The following RAB22A variants were observed in gnomAD, a reference collection of about 807,000 sequenced individuals.
RAB22A encodes the protein RAB22A, member RAS oncogene family, also known as ras-related protein Rab-22A.
RAB22A carries 13 observed loss-of-function variants against 30.2 expected under a neutral mutation model. The observed-to-expected ratio is 0.43, with a 90% CI of 0.28 to 0.68. The LOEUF (loss-of-function observed/expected upper bound fraction) is 0.68. RAB22A is among the 30% of genes least tolerant of loss of function. The pLI is 0.18. For synonymous variants in RAB22A, 89 were observed against 87.2 expected, an observed-to-expected ratio of 1.02 and a Z score of -0.11; for missense variants, 177 against 246.8, an observed-to-expected ratio of 0.72 and a Z score of 1.89.
chr20:58,361,752 C>T lies in RAB22A; in HGVS notation c.*2049C>T, dbSNP rs1987230320. ...TACCAAAGAGGCAAAGCATGTGCGA[C>T]CCTTTCTGTCTTATTTTACCAAAAG... On this transcript the variant is annotated 3_prime_UTR_variant, in exon 7 of 7. Coordinates refer to ENST00000244040, the MANE Select transcript of RAB22A (RefSeq NM_020673.3). The T allele has an allele frequency of 1.3e-5, 2 of 152,200 alleles. No individual in the cohort carries two copies. The highest frequency in any genetic ancestry group is 2.4e-5 in the African/African-American group (1 of 41,542). 9.4% of individuals were successfully genotyped at this position (152,200 alleles called of 1,614,324 possible). A position where few individuals can be genotyped will look rare whatever the true frequency, so the allele number is the denominator to read the frequency against.
chr20:58,338,615 A>G (rs909765705), intron 2 of RAB22A, among the ~76,000 whole-genome samples: 9 of 152,298 alleles, frequency 5.9e-5, no homozygotes, highest in Admixed American at 5.9e-4. Flanking sequence ...TTATGGATAC[A>G]CTTGAGACTT....
intron 2 of RAB22A, among the ~76,000 whole-genome samples, chr20:58,340,237 G>A (rs896414111): frequency 7.2e-5 from 11 of 152,194 alleles, no homozygotes; most frequent in Non-Finnish European, 1.6e-4. Context: ...CTTTGAGTGA[G>A]AGAGGGACAC....
chr20:58,311,986 G>A (rs775120777), intron 2 of RAB22A, among the ~76,000 whole-genome samples: 1 of 152,204 alleles, frequency 6.6e-6, no homozygotes, highest in Non-Finnish European at 1.5e-5. Context: ...ACAGAGTTTC[G>A]CTCTTTTTGC....
chr20:58,342,053 C>T (rs1986863811), intron 2 of RAB22A, among the ~76,000 whole-genome samples: 1 of 152,198 alleles, frequency 6.6e-6, no homozygotes, highest in Non-Finnish European at 1.5e-5. Flanking sequence ...TGTATAGATA[C>T]AGTGCTTTAC....
rs1179423046 is a variant in RAB22A at position 58,361,465 on chromosome 20, C to T, written c.*1762C>T. The T allele has an allele frequency of 6.6e-6, 1 of 152,124 alleles. No homozygotes were observed. Among genetic ancestry groups the T allele is most frequent in the Admixed American group, 6.5e-5 (1 of 15,276 alleles). 9.4% of individuals were successfully genotyped at this position (152,124 alleles called of 1,614,324 possible). A position where few individuals can be genotyped will look rare whatever the true frequency, so the allele number is the denominator to read the frequency against. Reference sequence around the variant, plus strand: ...AGAATGTCATTAGTAAAAATTCTAACTTCGTTTTGTTTAAAAGACATGTGG... The same window carrying T: ...AGAATGTCATTAGTAAAAATTCTAATTTCGTTTTGTTTAAAAGACATGTGG... On this transcript the variant is annotated 3_prime_UTR_variant, in exon 7 of 7. Transcript: ENST00000244040.
At position 58,338,018 on chromosome 20, in the gene RAB22A, T is replaced by G. The variant is rs77188060; in HGVS notation, c.117-5700T>G. Among the ~76,000 whole-genome samples the G allele has an allele frequency of 9.0e-3, 1,376 of 152,206 alleles. 22 individuals carry two copies. Among genetic ancestry groups the G allele is most frequent in the African/African-American group, 0.03 (1,243 of 41,506 alleles). On this transcript the variant is annotated intron_variant, in intron 2 of 6. Coordinates refer to ENST00000244040, the MANE Select transcript of RAB22A (RefSeq NM_020673.3). ...ATAAGCTTTTTGCTATTTAGTTATG[T>G]TTGTTTATTTTTTTTTATTTTTTTT... is the stretch of plus-strand genomic sequence containing the variant.
intron 2 of RAB22A, among the ~76,000 whole-genome samples, chr20:58,317,266 T>G (rs1401562394): frequency 6.6e-6 from 1 of 151,562 alleles, no homozygotes; most frequent in Non-Finnish European, 1.5e-5. Flanking sequence ...CCAGCTAATT[T>G]TTGTATTATT....
intron 3 of RAB22A, among the ~76,000 whole-genome samples, chr20:58,348,056 A>G (rs1296704322): frequency 6.6e-6 from 1 of 152,118 alleles, no homozygotes; most frequent in Non-Finnish European, 1.5e-5. Context: ...GTGAAACCCC[A>G]TCTCTACTAA....
chr20:58,350,324 C>T (rs556167875), intron 3 of RAB22A, among the ~76,000 whole-genome samples: 1 of 152,122 alleles, frequency 6.6e-6, no homozygotes, highest in East Asian at 1.9e-4. Flanking sequence ...AACAGTCTAA[C>T]GTATGTGTAA....
At chr20:58,351,201 G>T (rs768848860) in intron 3 of RAB22A, among the ~76,000 whole-genome samples, 3 of 151,956 alleles carry the variant, frequency 2.0e-5, no homozygotes, top group African/African-American at 7.3e-5. Context: ...GCCGGGCATG[G>T]TGGCACTTAC....
intron 2 of RAB22A, among the ~76,000 whole-genome samples, chr20:58,321,062 C>T (rs551906583): frequency 3.9e-5 from 6 of 152,188 alleles, no homozygotes; most frequent in Non-Finnish European, 7.4e-5. Flanking sequence ...TGGTGGCACA[C>T]GCCTGTAATC....
chr20:58,367,299 T>G lies in RAB22A; in HGVS notation c.*7596T>G, dbSNP rs139943564. ...GCTGACAAAAGAAAACTAGACCTTT[T>G]GTTTTTTGTTGTAAGATTTTTGTTT... On this transcript the variant is annotated 3_prime_UTR_variant, in exon 7 of 7. Coordinates refer to ENST00000244040, the MANE Select transcript of RAB22A (RefSeq NM_020673.3). The G allele has an allele frequency of 6.6e-6, 1 of 152,434 alleles. No individual in the cohort carries two copies. The highest frequency in any genetic ancestry group is 1.9e-4 in the East Asian group (1 of 5,184). 9.4% of individuals were successfully genotyped at this position (152,434 alleles called of 1,614,324 possible).
At chr20:58,348,495 T>C (rs182414405) in intron 3 of RAB22A, among the ~76,000 whole-genome samples, 20 of 152,300 alleles carry the variant, frequency 1.3e-4, no homozygotes, top group Non-Finnish European at 2.6e-4. Context: ...TCATCCACAC[T>C]GGCCAGTGCA....
chr20:58,359,495 CTTTTTTTTTTTTTTTT>C, intron 6 of RAB22A, 95 bp from the exon 7 acceptor site: 1 of 332,340 alleles, frequency 3.0e-6, no homozygotes, highest in Non-Finnish European at 5.1e-6. Flanking sequence ...GTTTATTAAA[CTTTTTTTTTTTTTTTT>C]TTACTTCAGT....
chr20:58,315,386 A>G (rs1420096145), intron 2 of RAB22A, among the ~76,000 whole-genome samples: 1 of 152,082 alleles, frequency 6.6e-6, no homozygotes, highest in East Asian at 1.9e-4. Flanking sequence ...TTCCTCCTCC[A>G]GTCCTGCATA....
At position 58,312,472 on chromosome 20, in the gene RAB22A, C is replaced by CTTTTTTTT. The variant is rs58198236; in HGVS notation, c.116+1377_116+1384dup. Among the ~76,000 whole-genome samples the CTTTTTTTT allele has an allele frequency of 5.9e-4, 23 of 38,750 alleles. 5 individuals carry two copies. The highest frequency in any genetic ancestry group is 2.0e-3 in the Admixed American group (4 of 2,000). The allele number at this position is 38,750 out of a possible 152,430, so 25.4% of individuals were successfully genotyped here. On this transcript the variant is annotated intron_variant, in intron 2 of 6. Coordinates refer to ENST00000244040, the MANE Select transcript of RAB22A (RefSeq NM_020673.3). ...GCACCATGTTACTCCGGCTGGTTTTCTTTTTTTTTTTTTTTTTTTTTTTTT... is the reference window on the plus strand; with the variant it reads ...GCACCATGTTACTCCGGCTGGTTTTCTTTTTTTTTTTTTTTTTTTTTTTTTTTTTTTTT...
At chr20:58,331,671 T>A (rs1986662687) in intron 2 of RAB22A, among the ~76,000 whole-genome samples, 1 of 152,128 alleles carries the variant, frequency 6.6e-6, no homozygotes. Context: ...TTTTTTTTAA[T>A]CCTTTGGTTT....
At chr20:58,317,511 G>A (rs1268162712) in intron 2 of RAB22A, among the ~76,000 whole-genome samples, 1 of 151,718 alleles carries the variant, frequency 6.6e-6, no homozygotes, top group Non-Finnish European at 1.5e-5. Context: ...AAATGCTTAG[G>A]AAAGTACCAT....
intron 2 of RAB22A, among the ~76,000 whole-genome samples, chr20:58,341,897 C>T (rs1986860212): frequency 6.6e-6 from 1 of 152,158 alleles, no homozygotes; most frequent in Non-Finnish European, 1.5e-5. Context: ...TGTTGGTAGG[C>T]TCCTGTTGGA....
Sources: gnomAD v4.1 joint callset for allele counts (sites outside exome capture counted in the v4.1 genomes callset) on GRCh38, gnomAD v4.1.1 for gene constraint, MANE v1.5 for transcripts, NCBI Gene and HGNC (gene_info 2026-07-23, HGNC 2026-07-21) for gene names.